Variants in TDRP observed in about 807,000 individuals in gnomAD.
TDRP encodes the protein testis development-related protein.
TDRP carries 12 observed loss-of-function variants against 10.5 expected under a neutral mutation model. The ratio of observed to expected loss-of-function variants is 1.15; its 90% CI spans 0.73 to 1.86. TDRP has a LOEUF of 1.86. Ranked by LOEUF, TDRP falls within the 40% of genes most tolerant of loss-of-function variation. The pLI, the probability that TDRP is intolerant of heterozygous loss-of-function variation, is 0.00. For missense variants in TDRP, 353 were observed against 229.2 expected (o/e 1.54, Z -3.49); for synonymous variants, 139 against 95.4 (o/e 1.46, Z -2.67).
intron 1 of TDRP, among the ~76,000 whole-genome samples, chr8:508,014 G>A (rs1204732982): frequency 6.6e-6 from 1 of 152,146 alleles, no homozygotes; most frequent in East Asian, 1.9e-4. Flanking sequence ...AACAACAGCA[G>A]GCAACACAAA....
At chr8:507,998 T>G (rs546385419) in intron 1 of TDRP, among the ~76,000 whole-genome samples, 1 of 152,072 alleles carries the variant, frequency 6.6e-6, no homozygotes, top group Non-Finnish European at 1.5e-5. Flanking sequence ...GACCCATACA[T>G]CAGAAAACAA....
At chr8:497,843 C>T (rs1009374667) in intron 1 of TDRP, among the ~76,000 whole-genome samples, 2 of 152,156 alleles carry the variant, frequency 1.3e-5, no homozygotes, top group Non-Finnish European at 2.9e-5. Flanking sequence ...GTGTCCCAGC[C>T]GCTCCACCTC....
At chr8:506,252 A>C (rs1291508169) in intron 1 of TDRP, among the ~76,000 whole-genome samples, 1 of 152,218 alleles carries the variant, frequency 6.6e-6, no homozygotes, top group African/African-American at 2.4e-5. Context: ...CTATTCATGA[A>C]AATTCTTAAA....
intron 1 of TDRP, among the ~76,000 whole-genome samples, chr8:501,758 G>A (rs1801308516): frequency 6.6e-6 from 1 of 152,148 alleles, no homozygotes; most frequent in African/African-American, 2.4e-5. Context: ...ATCACAGCAG[G>A]GTGACCATGT....
chr8:543,626 A>G (rs1336227346), intron 1 of TDRP, among the ~76,000 whole-genome samples: 1 of 152,066 alleles, frequency 6.6e-6, no homozygotes, highest in Admixed American at 6.5e-5. Flanking sequence ...GATAGTAACC[A>G]TATTTAAGCG....
rs145203599 is a variant in TDRP at position 514,525 on chromosome 8, C to G, written c.109-19928G>C. 5.5e-3 allele frequency among the ~76,000 whole-genome samples: 839 copies of G among 152,276 alleles called. 7 individuals are homozygous for G. The highest frequency in any genetic ancestry group is 0.027 in the Middle Eastern group (8 of 292). On this transcript the variant is annotated intron_variant, in intron 1 of 2. Coordinates refer to ENST00000324079, the MANE Select transcript of TDRP (RefSeq NM_001384899.1). The stretch of plus-strand genomic sequence containing the variant: ...CTCTAGATCCACATTTGCCTCAATG[C>G]AGGGACCAGGACACCACTGCCAAGT...
chr8:502,948 C>T (rs1247856816), intron 1 of TDRP, among the ~76,000 whole-genome samples: 5 of 151,676 alleles, frequency 3.3e-5, no homozygotes, highest in African/African-American at 1.2e-4. Context: ...TCCAGAGCCA[C>T]ACACTGGAAC....
intron 1 of TDRP, among the ~76,000 whole-genome samples, chr8:515,529 T>A (rs1047035278): frequency 2.0e-5 from 3 of 152,202 alleles, no homozygotes; most frequent in African/African-American, 7.2e-5. Context: ...TTGTCGATCA[T>A]CATGTCAGCA....
At chr8:524,807 G>T (rs1015082023) in intron 1 of TDRP, among the ~76,000 whole-genome samples, 1 of 152,144 alleles carries the variant, frequency 6.6e-6, no homozygotes, top group Non-Finnish European at 1.5e-5. Flanking sequence ...CTTGCTTACA[G>T]GATCTAGAAA....
intron 1 of TDRP, among the ~76,000 whole-genome samples, chr8:538,970 A>T (rs775673437): frequency 6.6e-6 from 1 of 152,226 alleles, no homozygotes; most frequent in Non-Finnish European, 1.5e-5. Context: ...AAATGCACGC[A>T]TCCTCGGACA....
At position 492,733 on chromosome 8, in the gene TDRP, C is replaced by A. The variant is rs763173990; in HGVS notation, c.224G>T (p.Arg75Leu). 5.0e-6 allele frequency: 8 copies of A among 1,610,724 alleles called. No individual in the cohort carries two copies. The Admixed American group carries it at 6.7e-5, about 13-fold the overall frequency. Residue 75 changes from arginine (R) to leucine (L), a missense_variant, in exon 3 of 3, where the codon CGA (arginine) becomes CTA (leucine). Coordinates refer to ENST00000324079, the MANE Select transcript of TDRP (RefSeq NM_001384899.1). Reference protein sequence around the residue: ...KSPKSKGTNLRLKEELKAEKK... With the variant: ...KSPKSKGTNLLLKEELKAEKK... ...CTCTGCCTTCAACTCTTCTTTTAAT[C>A]GTAAGTTAGTTCTATAGGAGATGAA...
intron 1 of TDRP, among the ~76,000 whole-genome samples, chr8:532,938 C>T (rs1054873430): frequency 6.6e-6 from 1 of 152,192 alleles, no homozygotes; most frequent in Non-Finnish European, 1.5e-5. Context: ...AAAACAGTTA[C>T]TATCCCTTCC....
chr8:519,223 A>G (rs1288304843), intron 1 of TDRP, among the ~76,000 whole-genome samples: 1 of 152,158 alleles, frequency 6.6e-6, no homozygotes, highest in Non-Finnish European at 1.5e-5. Context: ...GAGAGCATGC[A>G]TGTTGAGAGG....
intron 1 of TDRP, 38 bp from the exon 2 acceptor site, chr8:494,635 A>T (rs1431638321): frequency 6.4e-7 from 1 of 1,564,464 alleles, no homozygotes; most frequent in African/African-American, 1.4e-5. Context: ...ATCTGATGTC[A>T]TGAATCAACA....
At chr8:498,061 G>C (rs1316380280) in intron 1 of TDRP, among the ~76,000 whole-genome samples, 2 of 152,148 alleles carry the variant, frequency 1.3e-5, no homozygotes, top group African/African-American at 4.8e-5. Context: ...CCCTCAAGAA[G>C]AACCTCCACT....
intron 1 of TDRP, among the ~76,000 whole-genome samples, chr8:525,473 T>C (rs1379199528): frequency 6.6e-6 from 1 of 152,160 alleles, no homozygotes; most frequent in African/African-American, 2.4e-5. Flanking sequence ...ATACTTTAAA[T>C]GACAAACCAA....
Position 492,517 on chromosome 8 carries a change from G to C in TDRP, c.440C>G (p.Thr147Ser), listed in dbSNP as rs777700834. ...EDDAKGSTKY[T>S]SLASSANSSR... ...GCTGTTGGCAGAGCTGGCCAGGCTGGTGTACTTGGTCGAGCCCTTGGCGTC... is the reference window on the plus strand; with the variant it reads ...GCTGTTGGCAGAGCTGGCCAGGCTGCTGTACTTGGTCGAGCCCTTGGCGTC... Residue 147 changes from threonine to serine, a missense_variant, in exon 3 of 3, where the codon ACC becomes AGC. Physicochemically the swap from Thr to Ser is moderately conservative, Grantham distance 58 (BLOSUM62 1). Coordinates refer to ENST00000324079, the MANE Select transcript of TDRP (RefSeq NM_001384899.1). 4 of 1,610,388 alleles carry C rather than the reference G, an allele frequency of 2.5e-6. No individual in the cohort carries two copies. The highest frequency in any genetic ancestry group is 1.1e-5 in the South Asian group (1 of 90,660).
At chr8:536,574 T>C (rs1489475579) in intron 1 of TDRP, among the ~76,000 whole-genome samples, 1 of 152,194 alleles carries the variant, frequency 6.6e-6, no homozygotes, top group Non-Finnish European at 1.5e-5. Context: ...TATTAATATC[T>C]TGTGCTGGTA....
chr8:502,464 C>G (rs1296688944), intron 1 of TDRP, among the ~76,000 whole-genome samples: 1 of 152,210 alleles, frequency 6.6e-6, no homozygotes, highest in Non-Finnish European at 1.5e-5. Flanking sequence ...CAGGCTCCCA[C>G]CAGAGGGGCT....
Sources: allele counts gnomAD v4.1 joint callset (sites outside exome capture counted in the v4.1 genomes callset), GRCh38; gene constraint gnomAD v4.1.1; transcripts MANE v1.5; gene names NCBI Gene and HGNC (gene_info 2026-07-23, HGNC 2026-07-21).